Variants in TCF4 observed in about 807,000 individuals in gnomAD.
The protein encoded by TCF4 is transcription factor 4, also known as SL3-3 enhancer factor 2.
A neutral mutation model predicts 82.1 loss-of-function variants in TCF4; 3 were observed. The observed-to-expected ratio is 0.04, with a 90% CI of 0.02 to 0.09. The LOEUF is 0.09. Among genes scored for constraint, TCF4 ranks in the 10% least tolerant of loss-of-function variants. The pLI, the probability that TCF4 is intolerant of heterozygous loss-of-function variation, is 1.00. For synonymous variants in TCF4, 276 were observed against 309.6 expected (o/e 0.89, Z 1.14); for missense variants, 518 against 852.7 (o/e 0.61, Z 4.89).
chr18:55,495,304 A>C (rs549454158), intron 3 of TCF4, among the ~76,000 whole-genome samples: 1 of 150,390 alleles, frequency 6.6e-6, no homozygotes, highest in Admixed American at 6.6e-5. Flanking sequence ...ATAAGAAGGT[A>C]TTTGGGAAAA....
At chr18:55,489,091 C>G (rs1258831378) in intron 3 of TCF4, among the ~76,000 whole-genome samples, 1 of 152,174 alleles carries the variant, frequency 6.6e-6, no homozygotes, top group Non-Finnish European at 1.5e-5. Context: ...GCCCAGGAAT[C>G]TGCAGTTACA....
rs532858560 is a variant in TCF4 at position 55,223,116 on chromosome 18, C to A, written c.*4919G>T. ...TGACTTGACTTAGCAACCTGCAGCA[C>A]AACCGAAAACACTGGTGCAGTTCAG... is the stretch of plus-strand genomic sequence containing the variant. On this transcript the variant is annotated 3_prime_UTR_variant, in exon 20 of 20. Transcript: ENST00000354452. The A allele has an allele frequency of 6.6e-6, 1 of 152,304 alleles. No homozygotes were observed. Among genetic ancestry groups the A allele is most frequent in the South Asian group, 2.1e-4 (1 of 4,822 alleles). 9.4% of individuals were successfully genotyped at this position (152,304 alleles called of 1,614,324 possible). A position where few individuals can be genotyped will look rare whatever the true frequency, so the allele number is the denominator to read the frequency against.
At chr18:55,237,621 C>G (rs942797604) in intron 15 of TCF4, among the ~76,000 whole-genome samples, 7 of 51,948 alleles carry the variant, frequency 1.3e-4, no homozygotes, top group Non-Finnish European at 2.4e-4. Context: ...AGGCGCCCAC[C>G]ACCACGCCGG....
rs534323860 is a variant in TCF4, at chr18:55,412,215, G to A, written c.305-8697C>T. Among the ~76,000 whole-genome samples the A allele has an allele frequency of 9.9e-5, 15 of 152,166 alleles. 1 individual carries two copies. Among genetic ancestry groups the A allele is most frequent in the South Asian group, 6.2e-4 (3 of 4,802 alleles). ...TTACTACTAGCACTCACCTATTTAC[G>A]CAGAGTTTTTTAAAAGACAAGGACT... is the stretch of plus-strand genomic sequence containing the variant. On this transcript the variant is annotated intron_variant, in intron 5 of 19. Transcript: ENST00000354452.
intron 3 of TCF4, among the ~76,000 whole-genome samples, chr18:55,493,966 G>A (rs1040760527): frequency 1.3e-5 from 2 of 152,112 alleles, no homozygotes; most frequent in East Asian, 3.8e-4. Context: ...GAAACCAACA[G>A]ACTTAGAAGA....
chr18:55,350,473 C>A, intron 7 of TCF4, 65 bp from the exon 8 acceptor site: 1 of 1,534,586 alleles, frequency 6.5e-7, no homozygotes, highest in Non-Finnish European at 9.0e-7. Flanking sequence ...ATAGGTTAAA[C>A]CACAAAGACT....
intron 17 of TCF4, chr18:55,230,284 T>G (rs1377378737): frequency 6.6e-6 from 1 of 152,170 alleles, no homozygotes; most frequent in Admixed American, 6.5e-5. Flanking sequence ...TTTCTGAGTG[T>G]TACAGTGACA....
chr18:55,570,092 A>G (rs1457827548), intron 3 of TCF4, among the ~76,000 whole-genome samples: 3 of 152,176 alleles, frequency 2.0e-5, no homozygotes, highest in African/African-American at 7.2e-5. Flanking sequence ...CCCAGAAGGA[A>G]AGACCCCACA....
rs1007230579 is a variant in TCF4, at chr18:55,289,767, T to C, written c.550-10111A>G. Among the ~76,000 whole-genome samples the C allele has an allele frequency of 7.2e-5, 11 of 152,286 alleles. No individual in the cohort carries two copies. The East Asian group carries it at 1.2e-3, about 16-fold the overall frequency. ...TATGACTCTACAATAAAGACAGAAA[T>C]TAATTTTAGGTTTACTCCAATGTTG... On this transcript the variant is annotated intron_variant, in intron 8 of 19. Transcript: ENST00000354452.
At chr18:55,555,086 C>G (rs2097292813) in intron 3 of TCF4, among the ~76,000 whole-genome samples, 1 of 152,092 alleles carries the variant, frequency 6.6e-6, no homozygotes, top group African/African-American at 2.4e-5. Context: ...TTTGAAGAGC[C>G]TAGCTCTCAT....
At chr18:55,382,578 G>A (rs2145899363) in intron 6 of TCF4, among the ~76,000 whole-genome samples, 1 of 152,172 alleles carries the variant, frequency 6.6e-6, no homozygotes, top group East Asian at 1.9e-4. Context: ...ATCTTCCAAG[G>A]GGAATCATAA....
At chr18:55,287,553 A>C (rs1374453863) in intron 8 of TCF4, among the ~76,000 whole-genome samples, 1 of 152,220 alleles carries the variant, frequency 6.6e-6, no homozygotes, top group African/African-American at 2.4e-5. Flanking sequence ...AAGAGGATCC[A>C]GGAGACGGCA....
intron 16 of TCF4, 52 bp downstream of exon 16, chr18:55,234,496 C>T: frequency 6.2e-7 from 1 of 1,613,608 alleles, no homozygotes. Context: ...GGTATCAACA[C>T]TGGTCCTATT....
chr18:55,626,930 A>G (rs961037009), intron 2 of TCF4, among the ~76,000 whole-genome samples: 4 of 152,198 alleles, frequency 2.6e-5, no homozygotes, highest in Non-Finnish European at 5.9e-5. Flanking sequence ...AAAATCACTA[A>G]ACACTGAAAT....
intron 5 of TCF4, among the ~76,000 whole-genome samples, chr18:55,409,058 A>C (rs963130870): frequency 3.3e-5 from 5 of 152,222 alleles, no homozygotes; most frequent in African/African-American, 1.2e-4. Context: ...TCCGCACATT[A>C]ACACAAAGCA....
At chr18:55,257,944 T>C (rs914229524) in intron 13 of TCF4, among the ~76,000 whole-genome samples, 4 of 152,176 alleles carry the variant, frequency 2.6e-5, no homozygotes, top group African/African-American at 7.2e-5. Flanking sequence ...AAGAAAATAA[T>C]TTTTTTATGA....
intron 8 of TCF4, among the ~76,000 whole-genome samples, chr18:55,285,925 T>G (rs1293649270): frequency 1.3e-5 from 2 of 149,030 alleles, no homozygotes; most frequent in Admixed American, 6.6e-5. Context: ...TATCTTAGCT[T>G]TATTTATTAT....
At chr18:55,386,919 G>A (rs1231743866) in intron 6 of TCF4, among the ~76,000 whole-genome samples, 13 of 152,194 alleles carry the variant, frequency 8.5e-5, no homozygotes. Context: ...CAGAGCCAAA[G>A]GAGGCACTGG....
At chr18:55,397,243 A>G (rs1569358134) in intron 6 of TCF4, among the ~76,000 whole-genome samples, 1 of 152,312 alleles carries the variant, frequency 6.6e-6, no homozygotes, top group Non-Finnish European at 1.5e-5. Flanking sequence ...CAGCACCCCC[A>G]ATGAAGTACT....
Sources: allele counts gnomAD v4.1 joint callset (sites outside exome capture counted in the v4.1 genomes callset), GRCh38; gene constraint gnomAD v4.1.1; transcripts MANE v1.5; gene names NCBI Gene and HGNC (gene_info 2026-07-23, HGNC 2026-07-21).